TAFA4: variants seen among roughly 807,000 people sequenced by gnomAD.
TAFA4 encodes the protein TAFA chemokine like family member 4.
Under a neutral mutation model 21.1 loss-of-function variants are expected in TAFA4, and 20 were observed. The ratio of observed to expected loss-of-function variants is 0.95; its 90% CI spans 0.67 to 1.38. The LOEUF (loss-of-function observed/expected upper bound fraction) is 1.38. Ranked by LOEUF, TAFA4 falls within the 40% of genes most tolerant of loss-of-function variation. The pLI, the probability that TAFA4 is intolerant of heterozygous loss-of-function variation, is 0.00. For missense variants in TAFA4, 211 were observed against 180.9 expected (o/e 1.17, Z -0.95); for synonymous variants, 71 against 67.4 (o/e 1.05, Z -0.26).
chr3:68,754,822 GGGA>G (rs1480442068), intron 3 of TAFA4, among the ~76,000 whole-genome samples: 1 of 152,120 alleles, frequency 6.6e-6, no homozygotes, highest in East Asian at 1.9e-4. Context: ...CCCATATCTG[GGGA>G]GGAGGAGACC....
chr3:68,786,371 T>A (rs1346541804), intron 3 of TAFA4, among the ~76,000 whole-genome samples: 1 of 152,116 alleles, frequency 6.6e-6, no homozygotes, highest in Non-Finnish European at 1.5e-5. Context: ...GAGGCTGAGA[T>A]GGGAGGATCA....
chr3:68,899,255 T>G (rs913274102), intron 1 of TAFA4, among the ~76,000 whole-genome samples: 1 of 152,156 alleles, frequency 6.6e-6, no homozygotes, highest in African/African-American at 2.4e-5. Flanking sequence ...AAGAACTACC[T>G]CATTAATAAT....
chr3:68,866,096 G>C (rs1278706927), intron 3 of TAFA4, among the ~76,000 whole-genome samples: 2 of 152,028 alleles, frequency 1.3e-5, no homozygotes. Context: ...TCCCCTGAGG[G>C]TGCTAGAAAC....
At chr3:68,797,612 C>CAAAAA (rs71112671) in intron 3 of TAFA4, among the ~76,000 whole-genome samples, 4 of 75,940 alleles carry the variant, frequency 5.3e-5, no homozygotes, top group African/African-American at 1.1e-4. Flanking sequence ...GACTCCATCT[C>CAAAAA]AAAAAAAAAA....
At chr3:68,904,894 T>C (rs1008093591) in intron 1 of TAFA4, among the ~76,000 whole-genome samples, 8 of 152,172 alleles carry the variant, frequency 5.3e-5, no homozygotes, top group African/African-American at 1.9e-4. Flanking sequence ...AATTGGTGAA[T>C]GCTAGGGATG....
chr3:68,776,488 G>A (rs1362131843), intron 3 of TAFA4, among the ~76,000 whole-genome samples: 1 of 152,192 alleles, frequency 6.6e-6, no homozygotes, highest in Admixed American at 6.5e-5. Flanking sequence ...GAAAGTGTAT[G>A]CTGTAAAGCT....
chr3:68,928,550 C>T (rs2090130574), intron 1 of TAFA4, among the ~76,000 whole-genome samples: 1 of 152,162 alleles, frequency 6.6e-6, no homozygotes, highest in Non-Finnish European at 1.5e-5. Flanking sequence ...GTCACCCTGC[C>T]CAATACTCTT....
chr3:68,920,605 G>C (rs2090049750), intron 1 of TAFA4, among the ~76,000 whole-genome samples: 1 of 151,188 alleles, frequency 6.6e-6, no homozygotes, highest in Non-Finnish European at 1.5e-5. Flanking sequence ...ATGGGTTGTA[G>C]AGAGAGTTAG....
intron 1 of TAFA4, among the ~76,000 whole-genome samples, chr3:68,887,549 T>A: frequency 6.6e-6 from 1 of 152,202 alleles, no homozygotes; most frequent in Middle Eastern, 3.2e-3. Context: ...GACCCCAGAC[T>A]GCCTGATACA....
chr3:68,749,815 T>C (rs866791673), intron 4 of TAFA4, among the ~76,000 whole-genome samples: 1 of 152,232 alleles, frequency 6.6e-6, no homozygotes, highest in Non-Finnish European at 1.5e-5. Flanking sequence ...TGTGAAGCTT[T>C]AAGCCACAAG....
At chr3:68,768,080 C>G in intron 3 of TAFA4, among the ~76,000 whole-genome samples, 1 of 151,862 alleles carries the variant, frequency 6.6e-6, no homozygotes, top group South Asian at 2.1e-4. Flanking sequence ...ATAAGATCCC[C>G]AAAGCACAGG....
chr3:68,814,660 A>T (rs1227133679), intron 3 of TAFA4, among the ~76,000 whole-genome samples: 1 of 152,210 alleles, frequency 6.6e-6, no homozygotes, highest in Non-Finnish European at 1.5e-5. Context: ...AATGAAATAA[A>T]AGAGGATACA....
At chr3:68,882,792 C>T (rs1017721299) in intron 2 of TAFA4, among the ~76,000 whole-genome samples, 13 of 152,170 alleles carry the variant, frequency 8.5e-5, no homozygotes, top group African/African-American at 3.1e-4. Flanking sequence ...TGCCACCTTT[C>T]AAGCTGTTTC....
Position 68,801,665 on chromosome 3 carries a change from A to C in TAFA4, c.131-48647T>G, listed in dbSNP as rs1042344523. On this transcript the variant is annotated intron_variant, in intron 3 of 5. Coordinates refer to ENST00000295569, the MANE Select transcript of TAFA4 (RefSeq NM_182522.5). Reference sequence around the variant, plus strand: ...AAGGGTTAGTGAACCTTTTCTTAAAAGACCGAACAGTAAATATTTTAGGCT... The same window carrying C: ...AAGGGTTAGTGAACCTTTTCTTAAACGACCGAACAGTAAATATTTTAGGCT... Among the ~76,000 whole-genome samples the C allele has an allele frequency of 1.1e-4, 16 of 152,212 alleles. 1 individual carries two copies. Among genetic ancestry groups the C allele is most frequent in the Admixed American group, 3.9e-4 (6 of 15,274 alleles).
intron 4 of TAFA4, among the ~76,000 whole-genome samples, chr3:68,748,053 C>T (rs1170522216): frequency 2.0e-5 from 3 of 152,158 alleles, no homozygotes; most frequent in Admixed American, 6.5e-5. Flanking sequence ...CATCCCTGAC[C>T]ACCTCTCTGT....
At chr3:68,931,206 C>A (rs1435917114) in intron 1 of TAFA4, among the ~76,000 whole-genome samples, 1 of 152,146 alleles carries the variant, frequency 6.6e-6, no homozygotes, top group Non-Finnish European at 1.5e-5. Context: ...CCTTGCTTGT[C>A]TCAGAGGGAA....
At chr3:68,892,595 T>A (rs1227131252) in intron 1 of TAFA4, among the ~76,000 whole-genome samples, 2 of 152,192 alleles carry the variant, frequency 1.3e-5, no homozygotes, top group Non-Finnish European at 2.9e-5. Flanking sequence ...AGAAATAAGA[T>A]TCTTCTCCCA....
At chr3:68,896,238 A>G (rs965522034) in intron 1 of TAFA4, among the ~76,000 whole-genome samples, 1 of 152,178 alleles carries the variant, frequency 6.6e-6, no homozygotes, top group South Asian at 2.1e-4. Flanking sequence ...CAAATGTGGT[A>G]TAAGAGTTTT....
intron 1 of TAFA4, among the ~76,000 whole-genome samples, chr3:68,894,571 G>C (rs546007475): frequency 6.2e-4 from 94 of 152,322 alleles, no homozygotes; most frequent in Non-Finnish European, 1.1e-3. Context: ...ATTATACTGG[G>C]ACATGCTGGG....
Sources: gnomAD v4.1 joint callset for allele counts (sites outside exome capture counted in the v4.1 genomes callset) on GRCh38, gnomAD v4.1.1 for gene constraint, MANE v1.5 for transcripts, NCBI Gene and HGNC (gene_info 2026-07-23, HGNC 2026-07-21) for gene names.